PCAT7: variants seen among roughly 807,000 people sequenced by gnomAD.
PCAT7 encodes the protein prostate cancer associated transcript 7.
At chr9:94,567,581 G>A (rs1827209908) in intron 2 of PCAT7, 1 of 642,612 alleles carries the variant, frequency 1.6e-6, no homozygotes, top group Non-Finnish European at 2.6e-6. Context: ...GAAGAATAGG[G>A]ACCATATGGA....
In PCAT7 at chr9:94,567,584, C is replaced by G. The variant is rs909208658; in HGVS notation, n.442-5395C>G. The stretch of plus-strand genomic sequence containing the variant: ...CATGAGTGGTGGGAAGAATAGGGAC[C>G]ATATGGAGCCCACACAGGAAGCTCT... On this transcript the variant is annotated intron_variant and non_coding_transcript_variant, in intron 2 of 8. Coordinates refer to ENST00000647389, the Ensembl canonical transcript of PCAT7. 4.8e-6 allele frequency: 3 copies of G among 624,858 alleles called. No individual in the cohort carries two copies. The African/African-American group carries it at 5.5e-5, about 11-fold the overall frequency. 38.7% of individuals were successfully genotyped at this position (624,858 alleles called of 1,614,324 possible).
chr9:94,572,535 CAG>C (rs1388428331), intron 2 of PCAT7, among the ~76,000 whole-genome samples: 1 of 152,202 alleles, frequency 6.6e-6, no homozygotes, highest in Non-Finnish European at 1.5e-5. Context: ...CATGAGCACT[CAG>C]AGCTGCTTCT....
chr9:94,569,420 A>G (rs1827241155), intron 2 of PCAT7: 1 of 152,244 alleles, frequency 6.6e-6, no homozygotes, highest in Non-Finnish European at 1.5e-5. Flanking sequence ...GCTTTCCAGC[A>G]AAGAGGATGG....
exon 2 of PCAT7, chr9:94,558,982 G>A (rs1827051271): frequency 1.2e-6 from 2 of 1,614,008 alleles, no homozygotes; most frequent in East Asian, 2.2e-5. Flanking sequence ...AGATATTCCT[G>A]CACATCCTCT....
At chr9:94,567,809 G>C (rs4744354) in intron 2 of PCAT7, 15,062 of 176,430 alleles carry the variant, frequency 0.085, 732 homozygotes, top group South Asian at 0.17. Flanking sequence ...TTACATTGTC[G>C]TATGAGGGAT....
At chr9:94,566,632 C>T (rs972488336) in intron 2 of PCAT7, among the ~76,000 whole-genome samples, 15 of 152,210 alleles carry the variant, frequency 9.9e-5, no homozygotes, top group Non-Finnish European at 1.8e-4. Context: ...GTGTGTGTGT[C>T]TTTAATTCCT....
intron 2 of PCAT7, among the ~76,000 whole-genome samples, chr9:94,565,768 GATGA>G (rs1827178364): frequency 4.6e-5 from 2 of 43,542 alleles, no homozygotes; most frequent in Non-Finnish European, 1.3e-4. Context: ...TAGATACATA[GATGA>G]TAGATAGATA....
chr9:94,571,830 G>A (rs547750362), intron 2 of PCAT7, among the ~76,000 whole-genome samples: 1 of 152,152 alleles, frequency 6.6e-6, no homozygotes, highest in Non-Finnish European at 1.5e-5. Flanking sequence ...TTTTCCAAAC[G>A]CATGTGTCTG....
rs1346657735 is a variant in PCAT7 at position 94,557,195 on chromosome 9, CTTTT to C, written n.258-1773_258-1770del. On this transcript the variant is annotated intron_variant and non_coding_transcript_variant, in intron 1 of 8. Coordinates refer to ENST00000647389, the Ensembl canonical transcript of PCAT7. ...CCAGCTTTTCTTTTTATTCCAGATT[CTTTT>C]GTCTATCTGAGGTATTTTGAACTTC... 2.6e-5 allele frequency among the ~76,000 whole-genome samples: 4 copies of C among 152,196 alleles called. No individual in the cohort carries two copies. In the East Asian group the frequency reaches 7.7e-4, roughly 29 times the overall value.
chr9:94,558,205 G>A (rs1342981759), intron 1 of PCAT7, among the ~76,000 whole-genome samples: 1 of 152,140 alleles, frequency 6.6e-6, no homozygotes, highest in African/African-American at 2.4e-5. Context: ...ACTCTTCTAA[G>A]ATATTAAGTT....
chr9:94,574,626 T>G (rs1267533200), intron 3 of PCAT7, among the ~76,000 whole-genome samples: 1 of 152,164 alleles, frequency 6.6e-6, no homozygotes, highest in African/African-American at 2.4e-5. Context: ...CAGTGCAGTT[T>G]TAAAATTAAA....
chr9:94,564,196 A>G (rs936290088), intron 2 of PCAT7, among the ~76,000 whole-genome samples: 1 of 152,212 alleles, frequency 6.6e-6, no homozygotes, highest in Non-Finnish European at 1.5e-5. Context: ...CTCATCACAC[A>G]CAGCACATAC....
At chr9:94,559,061 C>A (rs780390155) in exon 2 of PCAT7, 1 of 1,614,060 alleles carries the variant, frequency 6.2e-7, no homozygotes, top group East Asian at 2.2e-5. Context: ...CAGGCTGGGT[C>A]CCCGTGGTCG....
rs1356250653 is a variant in PCAT7, at chr9:94,571,613, G to A, written n.442-1366G>A. The A allele has an allele frequency of 5.0e-6, 8 of 1,608,262 alleles. No homozygotes were observed. The Admixed American group carries it at 1.3e-4, about 27-fold the overall frequency. ...CTCATCCTCTGAGGTCTGTGGAAGA[G>A]AGGGATAAATGCCATGTGTTATTGT... On this transcript the variant is annotated intron_variant and non_coding_transcript_variant, in intron 2 of 8. Coordinates refer to ENST00000647389, the Ensembl canonical transcript of PCAT7.
At chr9:94,557,586 C>T (rs1827029815) in intron 1 of PCAT7, among the ~76,000 whole-genome samples, 1 of 152,142 alleles carries the variant, frequency 6.6e-6, no homozygotes, top group Non-Finnish European at 1.5e-5. Flanking sequence ...GGCTGTATGC[C>T]CCACCCTGCC....
At chr9:94,560,232 G>T (rs1369235494) in intron 2 of PCAT7, among the ~76,000 whole-genome samples, 1 of 152,214 alleles carries the variant, frequency 6.6e-6, no homozygotes, top group African/African-American at 2.4e-5. Context: ...GCCAGTCTCT[G>T]CACAAGATCC....
intron 2 of PCAT7, among the ~76,000 whole-genome samples, chr9:94,572,562 A>G (rs1351246655): frequency 6.6e-6 from 1 of 152,130 alleles, no homozygotes; most frequent in Non-Finnish European, 1.5e-5. Flanking sequence ...AGCTCCCAAC[A>G]CATTTTCATT....
chr9:94,563,279 G>T (rs1239515035), intron 2 of PCAT7: 12 of 1,575,452 alleles, frequency 7.6e-6, no homozygotes, highest in Non-Finnish European at 1.0e-5. Context: ...CAGCAGGTGT[G>T]ACGGGAGGGA....
At chr9:94,558,839 CT>C in intron 1 of PCAT7, 2 of 1,156,258 alleles carry the variant, frequency 1.7e-6, no homozygotes, top group Non-Finnish European at 2.5e-6. Context: ...GTGGATTTAC[CT>C]TTTGTATACT....
Sources: allele counts gnomAD v4.1 joint callset (sites outside exome capture counted in the v4.1 genomes callset), GRCh38; gene constraint gnomAD v4.1.1; transcripts MANE v1.5; gene names NCBI Gene and HGNC (gene_info 2026-07-23, HGNC 2026-07-21).